Variants in AGT observed in about 807,000 individuals in gnomAD.
AGT encodes alpha-1 antiproteinase, antitrypsin.
In AGT, 26 loss-of-function variants were observed where a neutral mutation model predicts 28.1. That is an observed-to-expected ratio of 0.92 (90% CI 0.68 to 1.28). The LOEUF is 1.28. Among genes scored for constraint, AGT ranks in the 50% most tolerant of loss-of-function variants. The pLI is 0.00. For synonymous variants in AGT, 259 were observed against 259.6 expected, an observed-to-expected ratio of 1.00 and a Z score of 0.02; for missense variants, 596 against 592.3, an observed-to-expected ratio of 1.01 and a Z score of -0.06.
At position 230,732,589 on chromosome 1, in the gene AGT, T is replaced by C. The variant is rs143384722; in HGVS notation, c.-31+12926A>G. 2.3e-3 allele frequency among the ~76,000 whole-genome samples: 348 copies of C among 152,358 alleles called. 1 individual carries two copies. The highest frequency in any genetic ancestry group is 4.4e-3 in the Non-Finnish European group (300 of 68,036). On this transcript the variant is annotated intron_variant, in intron 1 of 4. Transcript: ENST00000681269. The stretch of plus-strand genomic sequence containing the variant: ...ATCAGAAACTTTACTGATAATCTAA[T>C]GTTGATTAACACATATTTTTATGTC...
At chr1:230,730,394 C>T (rs1358620995) in intron 1 of AGT, among the ~76,000 whole-genome samples, 1 of 152,034 alleles carries the variant, frequency 6.6e-6, no homozygotes, top group Non-Finnish European at 1.5e-5. Context: ...ATATTTTAAC[C>T]CCCTCACCTC....
chr1:230,722,795 C>T (rs1663873568), intron 1 of AGT, among the ~76,000 whole-genome samples: 1 of 152,172 alleles, frequency 6.6e-6, no homozygotes, highest in Non-Finnish European at 1.5e-5. Context: ...TTACAGGCTC[C>T]TAGGCAGAAG....
intron 1 of AGT, among the ~76,000 whole-genome samples, chr1:230,740,904 A>C (rs1314243321): frequency 6.6e-6 from 1 of 152,174 alleles, no homozygotes; most frequent in Non-Finnish European, 1.5e-5. Flanking sequence ...CCAAGATCGC[A>C]CCACTGCACT....
Position 230,702,796 on chromosome 1 carries a change from C to A in AGT, c.*345G>T. 3.4e-6 allele frequency: 1 copy of A among 291,836 alleles called. No individual in the cohort carries two copies. The highest frequency in any genetic ancestry group is 6.5e-6 in the Non-Finnish European group (1 of 154,604). The allele number at this position is 291,836 out of a possible 1,614,324, so 18.1% of individuals were successfully genotyped here. On this transcript the variant is annotated 3_prime_UTR_variant, in exon 5 of 5. Transcript: ENST00000366667. Reference sequence around the variant, plus strand: ...TTGTTCTCAACTTGAAAAGGGAACACTTTTTTGTTTCACAAACAAGCTGGT... The same window carrying A: ...TTGTTCTCAACTTGAAAAGGGAACAATTTTTTGTTTCACAAACAAGCTGGT...
intron 1 of AGT, among the ~76,000 whole-genome samples, chr1:230,739,879 G>A (rs1432647028): frequency 6.6e-6 from 1 of 152,162 alleles, no homozygotes; most frequent in Non-Finnish European, 1.5e-5. Context: ...CCCCAGGAGA[G>A]GGTTCTTGGA....
chr1:230,745,239 G>A (rs1445019721), intron 1 of AGT, among the ~76,000 whole-genome samples: 1 of 152,292 alleles, frequency 6.6e-6, no homozygotes, highest in Non-Finnish European at 1.5e-5. Context: ...GTGGCAGGGG[G>A]TGCAGAGAGG....
chr1:230,735,091 T>C (rs1571987975), intron 1 of AGT, among the ~76,000 whole-genome samples: 1 of 152,134 alleles, frequency 6.6e-6, no homozygotes, highest in East Asian at 1.9e-4. Context: ...CGCCTCCCCG[T>C]TGCTCATGGA....
At chr1:230,712,208 G>A (rs528291416) in intron 1 of AGT, among the ~76,000 whole-genome samples, 2 of 152,138 alleles carry the variant, frequency 1.3e-5, no homozygotes, top group Non-Finnish European at 2.9e-5. Flanking sequence ...ACTGACTCAA[G>A]GCCACCTTGA....
intron 2 of AGT, among the ~76,000 whole-genome samples, 185 bp downstream of exon 2, chr1:230,709,810 G>A (rs1328855150): frequency 1.3e-5 from 2 of 152,214 alleles, no homozygotes; most frequent in Admixed American, 1.3e-4. Context: ...AGGGCAGCAG[G>A]TCCAGGAGGT....
chr1:230,710,425 G>A lies in AGT; in HGVS notation c.399C>T (p.Thr133=). 2 of 1,614,226 alleles carry A rather than the reference G, an allele frequency of 1.2e-6. No homozygotes were observed. The highest frequency in any genetic ancestry group is 1.7e-6 in the Non-Finnish European group (2 of 1,180,030). The part of the protein sequence containing the change: ...TVLSPTAVFG[T]LASLYLGALD... ...AGGCTCCCAGATAGAGAGAGGCCAG[G>A]GTGCCAAAGACAGCCGTTGGGGAGA... Residue 133 remains threonine, a synonymous_variant, in exon 2 of 5, where the codon ACC becomes ACT. Coordinates refer to ENST00000366667, the MANE Select transcript of AGT (RefSeq NM_001384479.1).
At chr1:230,704,582 G>T (rs568147063) in intron 3 of AGT, among the ~76,000 whole-genome samples, 56 of 152,360 alleles carry the variant, frequency 3.7e-4, no homozygotes, top group Non-Finnish European at 6.6e-4. Context: ...ACCTAGGAAT[G>T]GTTGTCCTTT....
At chr1:230,719,419 T>TATTATTATTATG (rs373330851), upstream of AGT, among the ~76,000 whole-genome samples, 1,137 of 94,676 alleles carry the variant, frequency 0.012, 10 homozygotes, top group Middle Eastern at 0.023. Flanking sequence ...TTTTTTTTTT[T>TATTATTATTATG]TTTTTTGAGA....
intron 4 of AGT, 37 bp from the exon 5 acceptor site, chr1:230,703,366 GC>G: frequency 6.2e-7 from 1 of 1,612,246 alleles, no homozygotes; most frequent in South Asian, 1.1e-5. Flanking sequence ...TTCTGAGGGC[GC>G]ACTGGGTGAC....
At chr1:230,735,919 C>G (rs1664146633) in intron 1 of AGT, among the ~76,000 whole-genome samples, 1 of 152,196 alleles carries the variant, frequency 6.6e-6, no homozygotes. Context: ...CCAATTGCCC[C>G]ATTCAAGTGT....
chr1:230,738,025 G>A (rs771232790), intron 1 of AGT, among the ~76,000 whole-genome samples: 6 of 152,228 alleles, frequency 3.9e-5, no homozygotes, highest in Non-Finnish European at 8.8e-5. Context: ...TGTAGCATTA[G>A]TACTTCATTC....
chr1:230,712,865 C>CT (rs1663637182), intron 1 of AGT, among the ~76,000 whole-genome samples: 1 of 152,090 alleles, frequency 6.6e-6, no homozygotes, highest in South Asian at 2.1e-4. Flanking sequence ...GCCCCTCCGC[C>CT]TTCTCCTCTC....
chr1:230,735,995 G>A (rs1199106661), intron 1 of AGT, among the ~76,000 whole-genome samples: 2 of 152,150 alleles, frequency 1.3e-5, no homozygotes, highest in East Asian at 1.9e-4. Flanking sequence ...GGCGGGGTTT[G>A]GGAAAGAGTG....
At chr1:230,704,103 C>T in intron 4 of AGT, 90 bp downstream of exon 4, 1 of 1,600,088 alleles carries the variant, frequency 6.2e-7, no homozygotes, top group South Asian at 1.1e-5. Flanking sequence ...TGGCCCCACC[C>T]ATAGCCTCCT....
rs139790100 is a variant in AGT, at chr1:230,711,856, C to G, written c.-30-1003G>C. 9.9e-3 allele frequency among the ~76,000 whole-genome samples: 1,499 copies of G among 151,522 alleles called. 6 individuals carry two copies. The highest frequency in any genetic ancestry group is 0.016 in the Non-Finnish European group (1,098 of 67,906). On this transcript the variant is annotated intron_variant, in intron 1 of 4. Transcript: ENST00000366667. ...AAAAATAGAAAATTCTCAGGTGACT[C>G]TGATATGTAAGCAGGGTTTAGAACC...
Sources: gnomAD v4.1 joint callset for allele counts (sites outside exome capture counted in the v4.1 genomes callset) on GRCh38, gnomAD v4.1.1 for gene constraint, MANE v1.5 for transcripts, NCBI Gene and HGNC (gene_info 2026-07-23, HGNC 2026-07-21) for gene names.